AGA: variants seen among roughly 807,000 people sequenced by gnomAD.
AGA encodes the protein aspartylglucosaminidase.
In AGA, 31 loss-of-function variants were observed where a neutral mutation model predicts 40.1. The ratio of observed to expected loss-of-function variants is 0.77; its 90% confidence interval spans 0.58 to 1.04. AGA has a LOEUF of 1.04. AGA is among the 50% of genes least tolerant of loss of function. AGA has a pLI of 0.00. For synonymous variants in AGA, 148 were observed against 144.0 expected (o/e 1.03, Z -0.20); for missense variants, 445 against 435.4 (o/e 1.02, Z -0.20).
Position 177,440,423 on chromosome 4 carries a change from C to T in AGA, c.131G>A (p.Trp44Ter). ...WPFKNATEAA[W>*]RALASGGSAL... is the part of the protein sequence containing the mutation. ...AGAGCCTCCAGATGCTAATGCCCTC[C>T]ACGCTGTTAATCAAATCCCAATAAT... is the stretch of plus-strand genomic sequence containing the variant. The change falls in exon 2 of 9, where the codon TGG (tryptophan) becomes TAG (stop). Residue 44 changes from tryptophan (W) to a stop codon, truncating the protein, a stop_gained. Transcript: ENST00000264595. LOFTEE classifies it high-confidence loss of function. The T allele has an allele frequency of 1.2e-6, 2 of 1,613,862 alleles. No individual in the cohort carries two copies. The highest frequency in any genetic ancestry group is 1.7e-6 in the Non-Finnish European group (2 of 1,180,020).
rs774485932 is a variant in AGA, at chr4:177,436,330, G to A, written c.644C>T (p.Thr215Ile). 2 of 1,612,998 alleles carry A rather than the reference G, an allele frequency of 1.2e-6. No homozygotes were observed. The highest frequency in any genetic ancestry group is 2.7e-5 in the African/African-American group (2 of 74,770). The change falls in exon 6 of 9, where the codon ACA becomes ATA. Residue 215 changes from threonine (T) to isoleucine (I), a missense_variant. Physicochemically the swap from Thr to Ile is moderately conservative, Grantham distance 89. Coordinates refer to ENST00000264595, the MANE Select transcript of AGA (RefSeq NM_000027.4). ...DTIGMVVIHK[T>I]GHIAAGTSTN... ...AGATGTACCAGCAGCAATATGTCCT[G>A]TCTTATGGATTACAACCATGCCTAG...
chr4:177,438,645 C>A, intron 4 of AGA, 100 bp downstream of exon 4: 3 of 826,666 alleles, frequency 3.6e-6, no homozygotes, highest in Non-Finnish European at 6.2e-6. Flanking sequence ...AGCCAGGATG[C>A]TAACCAGTAC....
chr4:177,432,773 G>A (rs911859061), intron 8 of AGA, among the ~76,000 whole-genome samples: 16 of 151,988 alleles, frequency 1.1e-4, no homozygotes, highest in African/African-American at 3.4e-4. Context: ...TAACCTCTTC[G>A]GTTTACTAAT....
chr4:177,440,897 TACAACGTGG>T (rs1736982308), intron 1 of AGA, among the ~76,000 whole-genome samples: 1 of 152,296 alleles, frequency 6.6e-6, no homozygotes, highest in Middle Eastern at 3.4e-3. Flanking sequence ...AGCAAACAAT[TACAACGTGG>T]ACTTCATATG....
chr4:177,442,391 A>G lies in AGA; in HGVS notation c.-16T>C, dbSNP rs1015676491. 2 of 1,613,924 alleles carry G rather than the reference A, an allele frequency of 1.2e-6. No homozygotes were observed. The highest frequency in any genetic ancestry group is 2.2e-5 in the East Asian group (1 of 44,862). On this transcript the variant is annotated 5_prime_UTR_variant, in exon 1 of 9. Coordinates refer to ENST00000264595, the MANE Select transcript of AGA (RefSeq NM_000027.4). ...TCCGCGCCATCCCTGACCACCGAAGAGACCAGCGCGAGAAAAGTCCCGGCA... is the reference window on the plus strand; with the variant it reads ...TCCGCGCCATCCCTGACCACCGAAGGGACCAGCGCGAGAAAAGTCCCGGCA...
intron 8 of AGA, among the ~76,000 whole-genome samples, chr4:177,432,699 T>C (rs919120509): frequency 6.6e-6 from 1 of 152,178 alleles, no homozygotes; most frequent in Non-Finnish European, 1.5e-5. Flanking sequence ...GAAACTGTGA[T>C]AGGCTCATAT....
intron 1 of AGA, 76 bp downstream of exon 1, chr4:177,442,173 T>C (rs1335931750): frequency 4.4e-6 from 7 of 1,592,202 alleles, no homozygotes; most frequent in Non-Finnish European, 6.0e-6. Context: ...GCCGGGTGAC[T>C]GCAGCGGGGC....
intron 3 of AGA, among the ~76,000 whole-genome samples, chr4:177,439,251 C>T (rs1286062031): frequency 2.6e-5 from 4 of 152,008 alleles, no homozygotes; most frequent in Admixed American, 1.3e-4. Context: ...CATGGTGGCA[C>T]GTGCCTGTAA....
Position 177,431,517 on chromosome 4 carries a change from A to C in AGA, c.*191T>G. On this transcript the variant is annotated 3_prime_UTR_variant, in exon 9 of 9. Transcript: ENST00000264595. ...TACATATTCATCTTCAGATAATATA[A>C]GAAAGGTTAAATAAAAATAGATAAT... 1 of 650,974 alleles carries C rather than the reference A, an allele frequency of 1.5e-6. No homozygotes were observed. Among genetic ancestry groups the C allele is most frequent in the Non-Finnish European group, 2.8e-6 (1 of 361,276 alleles). The allele number at this position is 650,974 out of a possible 1,614,324, so 40.3% of individuals were successfully genotyped here.
chr4:177,439,749 A>T, intron 2 of AGA, 61 bp from the exon 3 acceptor site: 1 of 1,251,864 alleles, frequency 8.0e-7, no homozygotes, highest in African/African-American at 1.5e-5. Flanking sequence ...TAGATTAAAA[A>T]CATTGCTTTT....
At chr4:177,432,837 T>C (rs1372395154) in intron 8 of AGA, among the ~76,000 whole-genome samples, 1 of 152,202 alleles carries the variant, frequency 6.6e-6, no homozygotes, top group Non-Finnish European at 1.5e-5. Flanking sequence ...GGCTGAGGCA[T>C]TTAAATAATG....
At chr4:177,434,040 C>A (rs1044089503) in intron 7 of AGA, among the ~76,000 whole-genome samples, 1 of 152,190 alleles carries the variant, frequency 6.6e-6, no homozygotes, top group East Asian at 1.9e-4. Flanking sequence ...GTTGCCCACA[C>A]TGGAGTGCAG....
chr4:177,437,362 TAACTA>T (rs1736857091), intron 5 of AGA, 38 bp downstream of exon 5: 2 of 1,331,578 alleles, frequency 1.5e-6, no homozygotes, highest in Non-Finnish European at 2.2e-6. Flanking sequence ...GGAAGATAAT[TAACTA>T]AACTTTATCC....
intron 4 of AGA, 146 bp from the exon 5 acceptor site, chr4:177,437,665 TA>T (rs1342129281): frequency 1.5e-6 from 1 of 646,412 alleles, no homozygotes; most frequent in Non-Finnish European, 2.8e-6. Context: ...AAGAAATCAC[TA>T]AGTCTTATAT....
chr4:177,434,773 G>C (rs1019820036), intron 6 of AGA, among the ~76,000 whole-genome samples: 1 of 152,164 alleles, frequency 6.6e-6, no homozygotes, highest in Non-Finnish European at 1.5e-5. Flanking sequence ...GGGGGAGGGG[G>C]ACCTGGCGAG....
In AGA at chr4:177,431,845, T is replaced by C. The variant is rs766992775; in HGVS notation, c.941-37A>G. On this transcript the variant is annotated intron_variant, in intron 8 of 8. Transcript: ENST00000264595. ...AATGAGAAAGAAGTTTGGTGAACTA[T>C]AGGATGCACATATTTATAACCAATA... 11 of 1,521,090 alleles carry C rather than the reference T, an allele frequency of 7.2e-6. No homozygotes were observed. The African/African-American group carries it at 8.2e-5, about 11-fold the overall frequency. The allele number at this position is 1,521,090 out of a possible 1,614,324, so 94.2% of individuals were successfully genotyped here. A position where few individuals can be genotyped will look rare whatever the true frequency, so the allele number is the denominator to read the frequency against.
At chr4:177,434,585 C>G (rs1475199318) in intron 6 of AGA, 96 bp from the exon 7 acceptor site, 2 of 984,196 alleles carry the variant, frequency 2.0e-6, no homozygotes, top group Non-Finnish European at 3.3e-6. Context: ...CACTTAGCCT[C>G]TGATACCGTT....
rs760478720 is a variant in AGA at position 177,431,741 on chromosome 4, AT to A, written c.1007del (p.Asn336IlefsTer29). ...AGTCCACTTTTTCCTCAGTTGGCTG[AT>A]TTTTTTCGGAATTATAAACCATGAA... ...FSFMVYNSEKNQPTEEKVDCI is the reference protein window; with the variant it reads ...FSFMVYNSEKXQPTEEKVDCI On this transcript the variant is annotated frameshift_variant, in exon 9 of 9. Transcript: ENST00000264595. LOFTEE classifies it high-confidence loss of function. 6.2e-7 allele frequency: 1 copy of A among 1,613,786 alleles called. No homozygotes were observed. The highest frequency in any genetic ancestry group is 8.5e-7 in the Non-Finnish European group (1 of 1,179,774).
chr4:177,441,993 T>C (rs922779101), intron 1 of AGA, among the ~76,000 whole-genome samples: 1 of 152,076 alleles, frequency 6.6e-6, no homozygotes, highest in African/African-American at 2.4e-5. Context: ...GGGTGGAAAA[T>C]ACATTGCGCT....
Sources: gnomAD v4.1 joint callset for allele counts (sites outside exome capture counted in the v4.1 genomes callset) on GRCh38, gnomAD v4.1.1 for gene constraint, MANE v1.5 for transcripts, NCBI Gene and HGNC (gene_info 2026-07-23, HGNC 2026-07-21) for gene names.